TRPM2: variants seen among roughly 807,000 people sequenced by gnomAD.
The protein encoded by TRPM2 is estrogen-responsive element-associated gene 1 protein.
TRPM2 carries 161 observed loss-of-function variants against 174.0 expected under a neutral mutation model. The observed-to-expected ratio is 0.93, with a 90% CI of 0.81 to 1.05. The LOEUF is 1.05. Among genes scored for constraint, TRPM2 ranks in the 50% least tolerant of loss-of-function variants. TRPM2 has a pLI of 0.00. For missense variants in TRPM2, 2,057 were observed against 2,038.0 expected, an observed-to-expected ratio of 1.01 and a Z score of -0.18; for synonymous variants, 954 against 861.3, an observed-to-expected ratio of 1.11 and a Z score of -1.88.
chr21:44,406,624 C>T lies in TRPM2; in HGVS notation c.2821C>T (p.Leu941=), dbSNP rs1282516389. 5 of 1,610,834 alleles carry T rather than the reference C, an allele frequency of 3.1e-6. No individual in the cohort carries two copies. Among genetic ancestry groups the T allele is most frequent in the Non-Finnish European group, 4.2e-6 (5 of 1,179,424 alleles). Residue 941 remains leucine, a synonymous_variant, in exon 19 of 32, where the codon CTG becomes TTG. Transcript: ENST00000397928. ...MKDVFFFLFL[L]AVWVVSFGVA... ...GGACGTCTTCTTCTTCCTCTTCCTG[C>T]TGGCTGTGTGGGTGGTGTCCTTCGG...
intron 3 of TRPM2, among the ~76,000 whole-genome samples, chr21:44,365,867 G>A (rs575967330): frequency 6.6e-6 from 1 of 152,348 alleles, no homozygotes; most frequent in African/African-American, 2.4e-5. Context: ...AGCACCTCCA[G>A]ATGCCTGGTG....
At position 44,438,941 on chromosome 21, in the gene TRPM2, G is replaced by C. The variant is rs2051383474; in HGVS notation, c.4168-126G>C. ...GTCACTGCAGCCTGAGATGCCGCCTGCCTGTGGCTCCCAGGGCTGGGCCGC... is the reference window on the plus strand; with the variant it reads ...GTCACTGCAGCCTGAGATGCCGCCTCCCTGTGGCTCCCAGGGCTGGGCCGC... On this transcript the variant is annotated intron_variant, in intron 29 of 31. Transcript: ENST00000397928. The surrounding 1 kb of genome is among the most constrained non-coding windows in gnomAD (Gnocchi z 5.9). 7.4e-6 allele frequency: 5 copies of C among 676,804 alleles called. No homozygotes were observed. In the South Asian group the frequency reaches 8.9e-5, roughly 12 times the overall value. The allele number at this position is 676,804 out of a possible 1,614,324, so 41.9% of individuals were successfully genotyped here. A position where few individuals can be genotyped will look rare whatever the true frequency, so the allele number is the denominator to read the frequency against.
At chr21:44,425,041 C>T in intron 24 of TRPM2, 102 bp downstream of exon 24, 1 of 1,068,424 alleles carries the variant, frequency 9.4e-7, no homozygotes, top group South Asian at 1.5e-5. Flanking sequence ...GGGCTCTGTC[C>T]AGGAGGAAGG....
rs759377341 is a variant in TRPM2, at chr21:44,369,296, G to A, written c.724G>A (p.Ala242Thr). The A allele has an allele frequency of 6.8e-6, 11 of 1,613,532 alleles. No individual in the cohort carries two copies. In the Admixed American group the frequency reaches 1.3e-4, roughly 20 times the overall value. The change falls in exon 5 of 32, where the codon GCC (alanine) becomes ACC (threonine). Residue 242 changes from alanine (A) to threonine (T), a missense_variant. Physicochemically the swap from Ala to Thr is moderately conservative, Grantham distance 58 (BLOSUM62 0). Transcript: ENST00000397928. ...KEGELITIGV[A>T]TWGTVHRREG... ...AGGCGAGCTCATCACCATCGGAGTC[G>A]CCACCTGGGGCACTGTCCACCGCCG...
At chr21:44,434,739 C>A (rs897414755) in intron 27 of TRPM2, among the ~76,000 whole-genome samples, 1 of 152,106 alleles carries the variant, frequency 6.6e-6, no homozygotes, top group African/African-American at 2.4e-5. Context: ...CACACTGCCC[C>A]TCGGAAGGCT....
At chr21:44,369,447 G>A in intron 5 of TRPM2, 104 bp downstream of exon 5, 1 of 1,378,294 alleles carries the variant, frequency 7.3e-7, no homozygotes, top group Non-Finnish European at 9.6e-7. Context: ...CCGGGGTGTG[G>A]GTGACGTCTG....
upstream of TRPM2, among the ~76,000 whole-genome samples, chr21:44,352,890 C>T (rs1466622281): frequency 6.6e-6 from 1 of 152,348 alleles, no homozygotes; most frequent in Non-Finnish European, 1.5e-5. Context: ...CACAGTGGCT[C>T]ACGCCTGTAA....
chr21:44,368,468 C>G (rs1004864206), intron 4 of TRPM2, among the ~76,000 whole-genome samples: 5 of 150,920 alleles, frequency 3.3e-5, no homozygotes, highest in African/African-American at 1.2e-4. Context: ...CTCTGTCACC[C>G]AGGCTGGAGT....
At position 44,395,358 on chromosome 21, in the gene TRPM2, C is replaced by A; in HGVS notation, c.1795-56C>A. On this transcript the variant is annotated intron_variant, in intron 11 of 31. Coordinates refer to ENST00000397928, the MANE Select transcript of TRPM2 (RefSeq NM_003307.4). ...GGCCTGCACCTCTGACAGGCTCCGC[C>A]AGTGACTCTGAGCCAGGCGGCCCGG... is the stretch of plus-strand genomic sequence containing the variant. 7 of 1,592,298 alleles carry A rather than the reference C, an allele frequency of 4.4e-6. No homozygotes were observed. In the South Asian group the frequency reaches 7.9e-5, roughly 18 times the overall value.
At chr21:44,395,578 G>A in intron 12 of TRPM2, 27 bp downstream of exon 12, 1 of 1,612,062 alleles carries the variant, frequency 6.2e-7, no homozygotes, top group Non-Finnish European at 8.5e-7. Flanking sequence ...CTCAGTCTCA[G>A]CAGACACAGC....
chr21:44,372,420 G>A (rs532240174), intron 5 of TRPM2, among the ~76,000 whole-genome samples: 16 of 150,102 alleles, frequency 1.1e-4, no homozygotes, highest in African/African-American at 3.9e-4. Context: ...GCTTGAACCT[G>A]GGAGGCGGAG....
chr21:44,395,523 G>A lies in TRPM2; in HGVS notation c.1904G>A (p.Arg635Gln), dbSNP rs140653462. The A allele has an allele frequency of 2.5e-5, 40 of 1,612,946 alleles. No homozygotes were observed. The highest frequency in any genetic ancestry group is 2.9e-5 in the Non-Finnish European group (34 of 1,179,956). Reference protein sequence around the residue: ...LLIWAIVQNRRELAGIIWAQS... With the variant: ...LLIWAIVQNRQELAGIIWAQS... ...ATTTGGGCCATTGTCCAGAACCGTC[G>A]GGAGCTGGCAGGAATCATCTGGGCT... The change falls in exon 12 of 32, where the codon CGG becomes CAG. Residue 635 changes from arginine to glutamine, a missense_variant. Coordinates refer to ENST00000397928, the MANE Select transcript of TRPM2 (RefSeq NM_003307.4).
chr21:44,425,054 CT>C, intron 24 of TRPM2, 115 bp downstream of exon 24: 5 of 935,896 alleles, frequency 5.3e-6, no homozygotes, highest in Non-Finnish European at 7.9e-6. Flanking sequence ...GAGGAAGGCA[CT>C]GGCTGCAGCC....
At chr21:44,380,199 GT>G in intron 8 of TRPM2, among the ~76,000 whole-genome samples, 1 of 152,352 alleles carries the variant, frequency 6.6e-6, no homozygotes, top group East Asian at 1.9e-4. Context: ...CAGTGACCTT[GT>G]TTCCTTCTGT....
At chr21:44,401,563 T>G (rs1035772069) in intron 15 of TRPM2, 118 bp from the exon 16 acceptor site, 4 of 1,024,334 alleles carry the variant, frequency 3.9e-6, no homozygotes, top group Admixed American at 4.1e-5. Flanking sequence ...TGAGTGCTTT[T>G]GCCTCTAAAA....
intron 19 of TRPM2, 92 bp downstream of exon 19, chr21:44,406,857 C>G: frequency 1.4e-6 from 2 of 1,479,108 alleles, no homozygotes; most frequent in Admixed American, 2.2e-5. Context: ...GTGAGGCCGG[C>G]TCCATCAGGG....
chr21:44,366,681 T>A lies in TRPM2; in HGVS notation c.424-73T>A. The A allele has an allele frequency of 1.9e-6, 3 of 1,605,316 alleles. No individual in the cohort carries two copies. The highest frequency in any genetic ancestry group is 1.1e-5 in the South Asian group (1 of 90,606). ...TGCCGCCCGCTGGGGCCTCTCTGCA[T>A]GGCCTGTGTGGGTCGGTGCTGTCCC... On this transcript the variant is annotated intron_variant, in intron 3 of 31. Transcript: ENST00000397928. The surrounding 1 kb of genome is among the most constrained non-coding windows in gnomAD (Gnocchi z 6.0).
chr21:44,382,227 G>A (rs1178453850), intron 8 of TRPM2, among the ~76,000 whole-genome samples: 1 of 152,090 alleles, frequency 6.6e-6, no homozygotes, highest in African/African-American at 2.4e-5. Flanking sequence ...TGGATAGATA[G>A]ATTTATAGAT....
intron 28 of TRPM2, 140 bp downstream of exon 28, chr21:44,435,357 C>G (rs912763468): frequency 1.1e-5 from 9 of 810,184 alleles, no homozygotes; most frequent in Non-Finnish European, 1.4e-5. Flanking sequence ...TGGGGGGATG[C>G]GGGAGGCGTC....
Sources: allele counts gnomAD v4.1 joint callset (sites outside exome capture counted in the v4.1 genomes callset), GRCh38; gene constraint gnomAD v4.1.1; non-coding constraint Gnocchi (gnomAD v3.1); transcripts MANE v1.5; gene names NCBI Gene and HGNC (gene_info 2026-07-23, HGNC 2026-07-21).